The following REEP1 variants were observed in gnomAD, a reference collection of about 807,000 sequenced individuals.
The protein encoded by REEP1 is receptor accessory protein 1, also known as receptor expression-enhancing protein 1.
Under a neutral mutation model 40.3 loss-of-function variants are expected in REEP1, and 22 were observed. The observed-to-expected ratio is 0.55, with a 90% confidence interval of 0.39 to 0.78. The LOEUF (loss-of-function observed/expected upper bound fraction) is 0.78. Ranked by LOEUF, REEP1 falls within the 30% of genes least tolerant of loss-of-function variation. The pLI is 0.00. For missense variants in REEP1, 280 were observed against 361.1 expected (o/e 0.78, Z 1.82); for synonymous variants, 116 against 139.2 (o/e 0.83, Z 1.17).
chr2:86,311,987 G>C (rs919514105), intron 1 of REEP1, among the ~76,000 whole-genome samples: 1 of 152,022 alleles, frequency 6.6e-6, no homozygotes, highest in African/African-American at 2.4e-5. Flanking sequence ...TGTGGTTCAA[G>C]TCCTGCCGAT....
chr2:86,326,643 C>T (rs760077134), intron 1 of REEP1, among the ~76,000 whole-genome samples: 5 of 151,828 alleles, frequency 3.3e-5, no homozygotes, highest in Admixed American at 6.6e-5. Context: ...ACCCGGGAGG[C>T]GGAGGTTGCA....
At chr2:86,219,697 C>T (rs529264273) in intron 8 of REEP1, among the ~76,000 whole-genome samples, 28 of 152,208 alleles carry the variant, frequency 1.8e-4, no homozygotes, top group African/African-American at 5.8e-4. Flanking sequence ...CCACCTGCCT[C>T]GGCCTCCCAA....
At position 86,216,362 on chromosome 2, in the gene REEP1, G is replaced by A. The variant is rs542370189; in HGVS notation, c.*677C>T. On this transcript the variant is annotated 3_prime_UTR_variant, in exon 9 of 9. Transcript: ENST00000538924. ...TGTGAAATATTGTTTCTCTTAGTTT[G>A]TAACTTGTCTGGTCTTTTGACTAAA... 6.6e-6 allele frequency: 1 copy of A among 152,190 alleles called. No homozygotes were observed. Among genetic ancestry groups the A allele is most frequent in the Non-Finnish European group, 1.5e-5 (1 of 68,056 alleles). 9.4% of individuals were successfully genotyped at this position (152,190 alleles called of 1,614,324 possible). A position where few individuals can be genotyped will look rare whatever the true frequency, so the allele number is the denominator to read the frequency against.
At chr2:86,267,016 A>G (rs1677184238) in intron 2 of REEP1, among the ~76,000 whole-genome samples, 1 of 150,814 alleles carries the variant, frequency 6.6e-6, no homozygotes. Flanking sequence ...CAGGGGAAAA[A>G]AAAAACAAAA....
chr2:86,285,330 C>A (rs962884910), intron 1 of REEP1, among the ~76,000 whole-genome samples: 1 of 152,224 alleles, frequency 6.6e-6, no homozygotes, highest in African/African-American at 2.4e-5. Flanking sequence ...TTCTGTGAAG[C>A]CTTTGGTTAC....
intron 1 of REEP1, among the ~76,000 whole-genome samples, chr2:86,301,785 C>T (rs887114369): frequency 2.0e-5 from 3 of 152,184 alleles, no homozygotes; most frequent in Admixed American, 1.3e-4. Context: ...CAAAAATAAG[C>T]GAGAGTATAC....
rs1558862982 is a variant in REEP1 at position 86,216,959 on chromosome 2, G to C, written c.*80C>G. 2 of 1,274,950 alleles carry C rather than the reference G, an allele frequency of 1.6e-6. No homozygotes were observed. The highest frequency in any genetic ancestry group is 2.9e-5 in the African/African-American group (2 of 67,942). 79.0% of individuals were successfully genotyped at this position (1,274,950 alleles called of 1,614,324 possible). A position where few individuals can be genotyped will look rare whatever the true frequency, so the allele number is the denominator to read the frequency against. On this transcript the variant is annotated 3_prime_UTR_variant, in exon 9 of 9. Coordinates refer to ENST00000538924, the MANE Select transcript of REEP1 (RefSeq NM_001371279.1). Reference sequence around the variant, plus strand: ...ACACTCAAAGCACACCCAGCTTGCGGATTTCTATGTTATTAGTGAATAGCT... The same window carrying C: ...ACACTCAAAGCACACCCAGCTTGCGCATTTCTATGTTATTAGTGAATAGCT...
At chr2:86,268,789 T>C (rs1414727656) in intron 2 of REEP1, among the ~76,000 whole-genome samples, 1 of 152,080 alleles carries the variant, frequency 6.6e-6, no homozygotes. Flanking sequence ...AATAGATAAA[T>C]GGAACAGAAC....
intron 5 of REEP1, among the ~76,000 whole-genome samples, chr2:86,246,016 G>A (rs913148929): frequency 7.9e-5 from 12 of 152,056 alleles, no homozygotes; most frequent in Non-Finnish European, 8.8e-5. Flanking sequence ...CGCCCGCCTT[G>A]GCCTCCCAAA....
At chr2:86,266,165 A>G (rs1677123690) in intron 2 of REEP1, among the ~76,000 whole-genome samples, 2 of 152,380 alleles carry the variant, frequency 1.3e-5, no homozygotes, top group Admixed American at 6.5e-5. Context: ...CTAGATATCC[A>G]CATGTAAAAT....
chr2:86,221,866 G>A (rs1431061972), intron 7 of REEP1, among the ~76,000 whole-genome samples: 1 of 152,116 alleles, frequency 6.6e-6, no homozygotes, highest in Admixed American at 6.5e-5. Flanking sequence ...CTCCTGCCTG[G>A]CAGGAGGGAA....
At chr2:86,224,695 C>T (rs1212712755) in intron 7 of REEP1, among the ~76,000 whole-genome samples, 1 of 152,240 alleles carries the variant, frequency 6.6e-6, no homozygotes, top group Non-Finnish European at 1.5e-5. Flanking sequence ...CCAGCAGCAA[C>T]CAACCTGCTC....
intron 1 of REEP1, among the ~76,000 whole-genome samples, 179 bp from the exon 2 acceptor site, chr2:86,282,421 C>A (rs890975861): frequency 6.6e-6 from 1 of 152,068 alleles, no homozygotes; most frequent in Non-Finnish European, 1.5e-5. Flanking sequence ...TCCTTGGGCA[C>A]CTCTATCTTC....
chr2:86,219,380 A>G (rs1674292803), intron 8 of REEP1, among the ~76,000 whole-genome samples: 1 of 152,048 alleles, frequency 6.6e-6, no homozygotes, highest in Admixed American at 6.6e-5. Flanking sequence ...GTAGTTGTTA[A>G]TACCTGGAAA....
intron 3 of REEP1, among the ~76,000 whole-genome samples, chr2:86,256,652 G>A (rs769526318): frequency 2.0e-5 from 3 of 152,194 alleles, no homozygotes; most frequent in Non-Finnish European, 2.9e-5. Context: ...TTCTCCTGAC[G>A]GACCCTGAGT....
At chr2:86,249,792 AT>A (rs35592472) in intron 5 of REEP1, among the ~76,000 whole-genome samples, 44,089 of 149,940 alleles carry the variant, frequency 0.29, 7,847 homozygotes, top group Non-Finnish European at 0.4. Context: ...TTCTTCTTTT[AT>A]TTTTTTTTTA....
At chr2:86,236,628 T>C (rs1675337906) in intron 5 of REEP1, among the ~76,000 whole-genome samples, 1 of 152,050 alleles carries the variant, frequency 6.6e-6, no homozygotes, top group Non-Finnish European at 1.5e-5. Context: ...CCGGGCAACA[T>C]AGGTAGATCC....
chr2:86,218,168 C>T (rs886499391), intron 8 of REEP1, among the ~76,000 whole-genome samples: 6 of 152,128 alleles, frequency 3.9e-5, no homozygotes, highest in Admixed American at 1.3e-4. Context: ...AAAGGTTTCC[C>T]GGAGCCCCTC....
intron 1 of REEP1, among the ~76,000 whole-genome samples, chr2:86,302,681 C>G (rs201254473): frequency 1.3e-5 from 2 of 152,066 alleles, no homozygotes; most frequent in East Asian, 3.9e-4. Flanking sequence ...TCTTAGGACT[C>G]TTGTGGGCAA....
Sources: allele counts gnomAD v4.1 joint callset (sites outside exome capture counted in the v4.1 genomes callset), GRCh38; gene constraint gnomAD v4.1.1; transcripts MANE v1.5; gene names NCBI Gene and HGNC (gene_info 2026-07-23, HGNC 2026-07-21).